Variants in MDGA2 observed in about 807,000 individuals in gnomAD.
MDGA2 encodes the protein MAM domain containing glycosylphosphatidylinositol anchor 2.
In MDGA2, 40 loss-of-function variants were observed where a neutral mutation model predicts 117.8. The observed-to-expected ratio is 0.34, with a 90% CI of 0.26 to 0.44. The LOEUF (loss-of-function observed/expected upper bound fraction) is 0.44, where lower values mean the gene tolerates loss of function less well. Among genes scored for constraint, MDGA2 ranks in the 20% least tolerant of loss-of-function variants. MDGA2 has a pLI of 1.00. For missense variants in MDGA2, 1,123 were observed against 1,250.6 expected (o/e 0.90, Z 1.54); for synonymous variants, 452 against 439.0 (o/e 1.03, Z -0.37).
intron 1 of MDGA2, among the ~76,000 whole-genome samples, chr14:47,544,152 T>G (rs1955808): frequency 0.75 from 114,355 of 152,062 alleles, 43,414 homozygotes; most frequent in East Asian, 1. Context: ...GAGACTAAAT[T>G]TTAAGATTAA....
At chr14:47,252,025 T>C (rs902043261) in intron 2 of MDGA2, among the ~76,000 whole-genome samples, 4 of 152,044 alleles carry the variant, frequency 2.6e-5, no homozygotes, top group African/African-American at 7.2e-5. Context: ...GAGTGACCTT[T>C]CCCTCACCCC....
chr14:47,167,177 T>A (rs1486347667), intron 3 of MDGA2, among the ~76,000 whole-genome samples: 1 of 152,174 alleles, frequency 6.6e-6, no homozygotes, highest in Non-Finnish European at 1.5e-5. Flanking sequence ...CATATTTTTT[T>A]TTTTGGTCCA....
At chr14:46,874,365 A>G (rs1287893599) in intron 12 of MDGA2, among the ~76,000 whole-genome samples, 165 bp from the exon 13 acceptor site, 1 of 151,868 alleles carries the variant, frequency 6.6e-6, no homozygotes, top group Non-Finnish European at 1.5e-5. Context: ...CATAAAACCA[A>G]TCTAATTTTA....
intron 1 of MDGA2, among the ~76,000 whole-genome samples, chr14:47,540,563 T>TATATATATATATATACATATACATACAC (rs370481455): frequency 8.0e-5 from 9 of 112,518 alleles, no homozygotes; most frequent in African/African-American, 2.6e-4. Flanking sequence ...TGTATATATA[T>TATATATATATATATACATATACATACAC]ACACACACAC....
At chr14:47,371,671 G>A (rs1437016364) in intron 1 of MDGA2, among the ~76,000 whole-genome samples, 1 of 151,598 alleles carries the variant, frequency 6.6e-6, no homozygotes, top group African/African-American at 2.4e-5. Flanking sequence ...TAGTCATAGT[G>A]ATTTTCCAAC....
chr14:47,374,344 A>G (rs764416248), intron 1 of MDGA2, among the ~76,000 whole-genome samples: 5 of 152,048 alleles, frequency 3.3e-5, no homozygotes, highest in Non-Finnish European at 5.9e-5. Context: ...TTGTGAGATA[A>G]ATTTTGGCCA....
chr14:47,185,542 C>A (rs1317483127), intron 3 of MDGA2, among the ~76,000 whole-genome samples: 1 of 151,288 alleles, frequency 6.6e-6, no homozygotes, highest in Non-Finnish European at 1.5e-5. Context: ...GAACAGAAGA[C>A]ATGAATAGAA....
intron 1 of MDGA2, among the ~76,000 whole-genome samples, chr14:47,659,958 T>C (rs12896982): frequency 0.31 from 47,621 of 151,978 alleles, 8,184 homozygotes; most frequent in Middle Eastern, 0.41. Flanking sequence ...CAAAAAGTCA[T>C]ATCCCATTAG....
At chr14:47,609,465 A>ATACATATATATATATATATATATGTATAT (rs1555336021) in intron 1 of MDGA2, among the ~76,000 whole-genome samples, 1 of 107,376 alleles carries the variant, frequency 9.3e-6, no homozygotes, top group Non-Finnish European at 1.9e-5. Flanking sequence ...ATATATATAT[A>ATACATATATATATATATATATATGTATAT]AGTTTCTTTA....
intron 8 of MDGA2, among the ~76,000 whole-genome samples, chr14:47,001,744 A>G (rs1043737594): frequency 5.3e-5 from 8 of 152,164 alleles, no homozygotes; most frequent in East Asian, 1.9e-4. Flanking sequence ...ACACTGGTAC[A>G]TATCCTGGTT....
chr14:47,518,011 G>T (rs1894791293), intron 1 of MDGA2, among the ~76,000 whole-genome samples: 1 of 152,096 alleles, frequency 6.6e-6, no homozygotes, highest in Non-Finnish European at 1.5e-5. Flanking sequence ...TATCGTGTGT[G>T]GTCATGGGGG....
chr14:47,620,095 A>T (rs1897022834), intron 1 of MDGA2, among the ~76,000 whole-genome samples: 1 of 152,238 alleles, frequency 6.6e-6, no homozygotes, highest in Non-Finnish European at 1.5e-5. Flanking sequence ...TTAAATATTG[A>T]AGGATGGATA....
intron 1 of MDGA2, among the ~76,000 whole-genome samples, chr14:47,673,632 ATGTGTGTGTGTG>A (rs10528657): frequency 6.9e-5 from 10 of 144,076 alleles, no homozygotes; most frequent in East Asian, 4.3e-4. Context: ...TATGACCTGG[ATGTGTGTGTGTG>A]TGTGTGTGTG....
intron 1 of MDGA2, among the ~76,000 whole-genome samples, chr14:47,641,865 C>T (rs765609531): frequency 7.2e-5 from 11 of 151,996 alleles, no homozygotes; most frequent in Admixed American, 1.3e-4. Context: ...ATCAATTGAA[C>T]TCATTTGATA....
At chr14:47,210,092 A>C (rs549832100) in intron 3 of MDGA2, among the ~76,000 whole-genome samples, 1 of 152,294 alleles carries the variant, frequency 6.6e-6, no homozygotes, top group Admixed American at 6.5e-5. Context: ...ATTCTTTCTA[A>C]CACAGGTAAA....
At chr14:47,542,465 A>T (rs990503018) in intron 1 of MDGA2, among the ~76,000 whole-genome samples, 48 of 152,342 alleles carry the variant, frequency 3.2e-4, no homozygotes, top group African/African-American at 9.6e-4. Flanking sequence ...CAATTCGATG[A>T]ATCGGTTGGT....
intron 1 of MDGA2, among the ~76,000 whole-genome samples, chr14:47,369,000 A>T (rs1430660737): frequency 6.6e-6 from 1 of 152,170 alleles, no homozygotes; most frequent in East Asian, 1.9e-4. Flanking sequence ...AATGCAGAAC[A>T]ATTTTGATAC....
rs1266215696 is a variant in MDGA2 at position 47,106,530 on chromosome 14, TGC to T, written c.926-9409_926-9408del. Among the ~76,000 whole-genome samples, 162 of 151,872 alleles carry T rather than the reference TGC, an allele frequency of 1.1e-3. 2 individuals carry two copies. The highest frequency in any genetic ancestry group is 3.8e-3 in the African/African-American group (157 of 41,418). On this transcript the variant is annotated intron_variant, in intron 5 of 16. Transcript: ENST00000399232. ...TTCCTCCTAAGCCGCGTCCCATCTG[TGC>T]GGGACCCCACTGAAAATCGGACTGT... is the stretch of plus-strand genomic sequence containing the variant.
chr14:47,102,752 A>T (rs1159242700), intron 5 of MDGA2, among the ~76,000 whole-genome samples: 2 of 152,152 alleles, frequency 1.3e-5, no homozygotes, highest in East Asian at 3.9e-4. Context: ...ATTAATTGGG[A>T]ATTATTCTCT....
Sources: allele counts gnomAD v4.1 joint callset (sites outside exome capture counted in the v4.1 genomes callset), GRCh38; gene constraint gnomAD v4.1.1; transcripts MANE v1.5; gene names NCBI Gene and HGNC (gene_info 2026-07-23, HGNC 2026-07-21).